Variants in ABCC1 observed in about 807,000 individuals in gnomAD.
ABCC1 encodes the protein multidrug resistance-associated protein 1.
A neutral mutation model predicts 172.9 loss-of-function variants in ABCC1; 83 were observed. The observed-to-expected ratio is 0.48, with a 90% CI of 0.40 to 0.58. The LOEUF (loss-of-function observed/expected upper bound fraction) is 0.58. Ranked by LOEUF, ABCC1 falls within the 20% of genes least tolerant of loss-of-function variation. ABCC1 has a pLI of 0.00. For missense variants in ABCC1, 1,817 were observed against 2,002.7 expected (o/e 0.91, Z 1.77); for synonymous variants, 937 against 825.2 (o/e 1.14, Z -2.32).
At chr16:16,069,152 T>TAAAAAAAAAAAAAAAAAA (rs1567368876) in intron 13 of ABCC1, among the ~76,000 whole-genome samples, 2 of 141,740 alleles carry the variant, frequency 1.4e-5, no homozygotes, top group Admixed American at 7.1e-5. Flanking sequence ...TAAAAAAAAA[T>TAAAAAAAAAAAAAAAAAA]AAAATAAAAT....
rs2050568370 is a variant in ABCC1, at chr16:16,076,332, G to A, written c.1919G>A (p.Gly640Asp). 8.1e-6 allele frequency: 13 copies of A among 1,612,420 alleles called. No homozygotes were observed. Among genetic ancestry groups the A allele is most frequent in the Non-Finnish European group, 1.1e-5 (13 of 1,179,306 alleles). The part of the protein sequence containing the change: ...IERRPVKDGG[G>D]TNSITVRNAT... Reference sequence around the variant, plus strand: ...ATGTCTCTGTGCTTTGTAGGCGGGGGCACGAACAGCATCACCGTGAGGAAT... The same window carrying A: ...ATGTCTCTGTGCTTTGTAGGCGGGGACACGAACAGCATCACCGTGAGGAAT... The change falls in exon 15 of 31, where the codon GGC (glycine) becomes GAC (aspartate). Residue 640 changes from glycine to aspartate, a missense_variant. This residue lies in a region of ABCC1 where 1,412 missense variants were observed against 1,600.3 expected (regional missense o/e 0.88). Transcript: ENST00000399410.
chr16:16,035,595 A>G (rs1019843928), intron 6 of ABCC1, among the ~76,000 whole-genome samples: 1 of 151,180 alleles, frequency 6.6e-6, no homozygotes, highest in Non-Finnish European at 1.5e-5. Context: ...GCCTTGAGCA[A>G]TCCTGCCACC....
intron 13 of ABCC1, among the ~76,000 whole-genome samples, chr16:16,071,117 T>G (rs987558517): frequency 5.3e-5 from 8 of 152,090 alleles, no homozygotes; most frequent in African/African-American, 9.7e-5. Context: ...GGAGCCTCAC[T>G]CTGTCACCCA....
chr16:16,103,385 G>T (rs1259542950), intron 20 of ABCC1, among the ~76,000 whole-genome samples: 1 of 151,980 alleles, frequency 6.6e-6, no homozygotes, highest in Non-Finnish European at 1.5e-5. Context: ...TTGAAGACCA[G>T]CCTGGCCAAC....
chr16:16,091,053 C>G (rs551605865), intron 19 of ABCC1, among the ~76,000 whole-genome samples: 1 of 152,018 alleles, frequency 6.6e-6, no homozygotes, highest in Non-Finnish European at 1.5e-5. Flanking sequence ...GTTCAATCCC[C>G]GGCCGCTCAT....
At chr16:16,089,042 C>T (rs1245609346) in intron 18 of ABCC1, among the ~76,000 whole-genome samples, 3 of 152,140 alleles carry the variant, frequency 2.0e-5, no homozygotes, top group Admixed American at 6.6e-5. Flanking sequence ...GCTGCTTCAA[C>T]TCGGCAGGGC....
At chr16:15,987,425 A>G (rs2046767951) in intron 1 of ABCC1, among the ~76,000 whole-genome samples, 1 of 152,108 alleles carries the variant, frequency 6.6e-6, no homozygotes, top group South Asian at 2.1e-4. Flanking sequence ...TTGGTCAGGG[A>G]GGGATTCTGT....
intron 3 of ABCC1, among the ~76,000 whole-genome samples, chr16:16,012,535 A>G (rs1365657841): frequency 2.8e-5 from 4 of 140,976 alleles, no homozygotes; most frequent in Admixed American, 7.4e-5. Context: ...GGGTCTTTCC[A>G]TGTTGCCCAG....
intron 3 of ABCC1, among the ~76,000 whole-genome samples, chr16:16,011,927 C>T (rs79975755): frequency 6.6e-6 from 1 of 152,026 alleles, no homozygotes; most frequent in South Asian, 2.1e-4. Context: ...CCTAGGCCCC[C>T]CAAAGTGCTG....
intron 13 of ABCC1, among the ~76,000 whole-genome samples, chr16:16,068,740 A>T (rs2050210222): frequency 6.6e-6 from 1 of 152,010 alleles, no homozygotes; most frequent in African/African-American, 2.4e-5. Flanking sequence ...TATTCCCACC[A>T]TTTTGGGAGG....
chr16:16,099,401 C>T (rs1454389783), intron 19 of ABCC1, among the ~76,000 whole-genome samples: 5 of 152,164 alleles, frequency 3.3e-5, no homozygotes, highest in Non-Finnish European at 7.3e-5. Flanking sequence ...TTCCAGTGGC[C>T]AGACTGGACC....
rs1323109971 is a variant in ABCC1 at position 16,143,047 on chromosome 16, A to C, written c.*1766A>C. 6.6e-6 allele frequency: 1 copy of C among 152,068 alleles called. No homozygotes were observed. The highest frequency in any genetic ancestry group is 1.5e-5 in the Non-Finnish European group (1 of 68,020). The allele number at this position is 152,068 out of a possible 1,614,324, so 9.4% of individuals were successfully genotyped here. ...ACATTTGCAGTAAAAAAATATATAT[A>C]TATCTATATATTTTATTTCTTTCTA... On this transcript the variant is annotated 3_prime_UTR_variant, in exon 31 of 31. Coordinates refer to ENST00000399410, the MANE Select transcript of ABCC1 (RefSeq NM_004996.4).
Position 16,062,071 on chromosome 16 carries a change from C to G in ABCC1, c.1677+5776C>G, listed in dbSNP as rs191296269. Among the ~76,000 whole-genome samples the G allele has an allele frequency of 2.0e-5, 3 of 152,288 alleles. No homozygotes were observed. The East Asian group carries it at 5.8e-4, about 29-fold the overall frequency. ...TGTAGGTATGAGCCACTGCACCTGGCCTTGATGGCATTTTGAAAGGTCTTG... is the reference window on the plus strand; with the variant it reads ...TGTAGGTATGAGCCACTGCACCTGGGCTTGATGGCATTTTGAAAGGTCTTG... On this transcript the variant is annotated intron_variant, in intron 12 of 30. Transcript: ENST00000399410.
chr16:16,017,154 T>TA (rs1227291803), intron 5 of ABCC1, among the ~76,000 whole-genome samples: 1 of 152,188 alleles, frequency 6.6e-6, no homozygotes, highest in East Asian at 1.9e-4. Context: ...TATGGAAACT[T>TA]ATCAGTGAGG....
At chr16:16,045,142 C>T (rs1259072299) in intron 8 of ABCC1, among the ~76,000 whole-genome samples, 1 of 151,924 alleles carries the variant, frequency 6.6e-6, no homozygotes, top group Non-Finnish European at 1.5e-5. Flanking sequence ...TGGCTCATGC[C>T]TATAATCCCA....
intron 7 of ABCC1, among the ~76,000 whole-genome samples, chr16:16,040,064 T>TTGTATGTA (rs10543561): frequency 0.025 from 3,384 of 134,854 alleles, 49 homozygotes; most frequent in Middle Eastern, 0.045. Flanking sequence ...GTTTGTTTGT[T>TTGTATGTA]TGTATGTATG....
At chr16:16,034,021 A>ATTTTTTT (rs1567332583) in intron 6 of ABCC1, among the ~76,000 whole-genome samples, 54 of 48,948 alleles carry the variant, frequency 1.1e-3, no homozygotes, top group South Asian at 2.0e-3. Flanking sequence ...AATAAGCATC[A>ATTTTTTT]TCTTTTTTTT....
intron 19 of ABCC1, among the ~76,000 whole-genome samples, chr16:16,094,814 CTT>C (rs895974418): frequency 6.6e-5 from 8 of 120,610 alleles, no homozygotes; most frequent in African/African-American, 1.8e-4. Flanking sequence ...TGCGCCTGGC[CTT>C]TTTTTTTTTT....
intron 16 of ABCC1, among the ~76,000 whole-genome samples, chr16:16,082,971 A>T (rs11863132): frequency 0.14 from 20,644 of 152,204 alleles, 1,465 homozygotes; most frequent in Middle Eastern, 0.22. Context: ...AAAAAGTGTC[A>T]TATATCTTTT....
Sources: gnomAD v4.1 joint callset for allele counts (sites outside exome capture counted in the v4.1 genomes callset) on GRCh38, gnomAD v4.1.1 for gene constraint, gnomAD v4.1.1 regional missense constraint, MANE v1.5 for transcripts, NCBI Gene and HGNC (gene_info 2026-07-23, HGNC 2026-07-21) for gene names.